LAMA3: variants seen among roughly 807,000 people sequenced by gnomAD.
The protein encoded by LAMA3 is laminin subunit alpha 3.
Under a neutral mutation model 402.0 loss-of-function variants are expected in LAMA3, and 281 were observed. The ratio of observed to expected loss-of-function variants is 0.70; its 90% CI spans 0.63 to 0.77. The LOEUF (loss-of-function observed/expected upper bound fraction) is 0.77, where lower values mean the gene tolerates loss of function less well. Ranked by LOEUF, LAMA3 falls within the 30% of genes least tolerant of loss-of-function variation. LAMA3 has a pLI of 0.00. For missense variants in LAMA3, 3,840 were observed against 4,215.5 expected, an observed-to-expected ratio of 0.91 and a Z score of 2.47; for synonymous variants, 1,431 against 1,558.4, an observed-to-expected ratio of 0.92 and a Z score of 1.93.
At chr18:23,952,166 T>C (rs2082939817) in intron 73 of LAMA3, among the ~76,000 whole-genome samples, 1 of 152,246 alleles carries the variant, frequency 6.6e-6, no homozygotes, top group Non-Finnish European at 1.5e-5. Flanking sequence ...AATTGTTCTT[T>C]ACCTTCGGTT....
Position 23,844,994 on chromosome 18 carries a change from G to C in LAMA3, c.3604-15G>C. 7.2e-7 allele frequency: 1 copy of C among 1,383,428 alleles called. No homozygotes were observed. The highest frequency in any genetic ancestry group is 1.0e-6 in the Non-Finnish European group (1 of 969,828). The allele number at this position is 1,383,428 out of a possible 1,614,324, so 85.7% of individuals were successfully genotyped here. Reference sequence around the variant, plus strand: ...TCATTGGAAATTCTAAGACATGCTGGTGGATTTCTTTCAGGTCCGTGTTCT... The same window carrying C: ...TCATTGGAAATTCTAAGACATGCTGCTGGATTTCTTTCAGGTCCGTGTTCT... On this transcript the variant is annotated splice_polypyrimidine_tract_variant and intron_variant, in intron 29 of 74. Transcript: ENST00000313654.
intron 2 of LAMA3, among the ~76,000 whole-genome samples, chr18:23,736,227 T>G (rs938001655): frequency 1.3e-4 from 19 of 151,178 alleles, no homozygotes; most frequent in African/African-American, 4.6e-4. Flanking sequence ...TCATAAAATA[T>G]GAAGTGCTTT....
intron 37 of LAMA3, 30 bp from the exon 38 acceptor site, chr18:23,871,401 A>G: frequency 6.3e-7 from 1 of 1,599,638 alleles, no homozygotes; most frequent in East Asian, 2.2e-5. Context: ...CTGCCTAAGG[A>G]AGACCCTGAC....
intron 37 of LAMA3, among the ~76,000 whole-genome samples, chr18:23,870,550 G>T (rs561954272): frequency 1.1e-4 from 16 of 152,116 alleles, no homozygotes; most frequent in Non-Finnish European, 1.9e-4. Flanking sequence ...GTTCATTGCA[G>T]CATTATTCAC....
chr18:23,731,225 T>G (rs1181240620), intron 2 of LAMA3, among the ~76,000 whole-genome samples: 4 of 152,204 alleles, frequency 2.6e-5, no homozygotes, highest in Non-Finnish European at 4.4e-5. Context: ...CTTAAATGTT[T>G]CCAGTGACAG....
chr18:23,809,305 G>A (rs1323075838), intron 12 of LAMA3, among the ~76,000 whole-genome samples: 3 of 152,204 alleles, frequency 2.0e-5, no homozygotes, highest in Non-Finnish European at 2.9e-5. Flanking sequence ...GGCACAGCTG[G>A]TACTGGAATC....
intron 12 of LAMA3, 43 bp from the exon 13 acceptor site, chr18:23,810,323 A>T: frequency 1.2e-6 from 2 of 1,613,088 alleles, no homozygotes; most frequent in Non-Finnish European, 1.7e-6. Context: ...CCCCTCCCAT[A>T]CCTGCAACCC....
chr18:23,706,271 T>C (rs1336749774), intron 1 of LAMA3, among the ~76,000 whole-genome samples: 1 of 152,204 alleles, frequency 6.6e-6, no homozygotes, highest in East Asian at 1.9e-4. Flanking sequence ...TTATGAACAG[T>C]GCTGCTGTGA....
At position 23,907,797 on chromosome 18, in the gene LAMA3, A is replaced by G; in HGVS notation, c.6877A>G (p.Arg2293Gly). 6.2e-7 allele frequency: 1 copy of G among 1,614,232 alleles called. No homozygotes were observed. The highest frequency in any genetic ancestry group is 1.1e-5 in the South Asian group (1 of 91,082). ...GATCAGTAGTGCAAAGAGCATGGTC[A>G]GAAAGGCCAACGACATCACAGATGA... ...AMISSAKSMV[R>G]KANDITDEVL... The change falls in exon 54 of 75, where the codon AGA (arginine) becomes GGA (glycine). Residue 2293 changes from arginine (R) to glycine (G), a missense_variant. Coordinates refer to ENST00000313654, the MANE Select transcript of LAMA3 (RefSeq NM_198129.4).
chr18:23,944,070 C>A, intron 69 of LAMA3, 99 bp downstream of exon 69: 1 of 1,205,882 alleles, frequency 8.3e-7, no homozygotes, highest in Non-Finnish European at 1.2e-6. Flanking sequence ...GACATGAGGG[C>A]GTGGAGTGGG....
chr18:23,939,250 C>T lies in LAMA3; in HGVS notation c.8890C>T (p.Pro2964Ser). ...QLLQDTPVAS[P>S]RSVKVWQDAC... is the part of the protein sequence containing the mutation. ...GTTGCAGGACACACCAGTGGCCTCC[C>T]CAAGGAGCGTGAAGGTGTGGCAAGA... Residue 2964 changes from proline to serine, a missense_variant, in exon 68 of 75, where the codon CCA (proline) becomes TCA (serine). Pro to Ser is a moderately conservative substitution (Grantham distance 74). This residue lies in a region of LAMA3 where 840 missense variants were observed against 981.9 expected (regional missense o/e 0.86). Coordinates refer to ENST00000313654, the MANE Select transcript of LAMA3 (RefSeq NM_198129.4). 1 of 1,614,166 alleles carries T rather than the reference C, an allele frequency of 6.2e-7. No individual in the cohort carries two copies. Among genetic ancestry groups the T allele is most frequent in the Non-Finnish European group, 8.5e-7 (1 of 1,180,022 alleles).
At chr18:23,876,574 A>G (rs1170232601) in intron 39 of LAMA3, among the ~76,000 whole-genome samples, 167 bp downstream of exon 39, 1 of 152,174 alleles carries the variant, frequency 6.6e-6, no homozygotes, top group African/African-American at 2.4e-5. Flanking sequence ...TTTACATTTC[A>G]TTTTCTCCTC....
chr18:23,743,574 C>G (rs1269952721), intron 2 of LAMA3, among the ~76,000 whole-genome samples: 2 of 152,194 alleles, frequency 1.3e-5, no homozygotes, highest in African/African-American at 4.8e-5. Flanking sequence ...GAGCATGCAG[C>G]ACTGGGGTGA....
chr18:23,733,966 T>C (rs1365414140), intron 2 of LAMA3, among the ~76,000 whole-genome samples: 2 of 152,238 alleles, frequency 1.3e-5, no homozygotes, highest in African/African-American at 4.8e-5. Flanking sequence ...TGCTTTCTGG[T>C]TGCTTCTAAT....
At chr18:23,870,812 A>T (rs1233341992) in intron 37 of LAMA3, among the ~76,000 whole-genome samples, 1 of 152,218 alleles carries the variant, frequency 6.6e-6, no homozygotes, top group Admixed American at 6.5e-5. Context: ...AAATTAGAAT[A>T]GTGGTGCCAG....
chr18:23,843,460 AG>A (rs113412601), intron 29 of LAMA3, among the ~76,000 whole-genome samples: 174 of 152,098 alleles, frequency 1.1e-3, no homozygotes, highest in African/African-American at 3.8e-3. Context: ...ACCACACCCC[AG>A]AGTCTTTCTC....
At position 23,876,342 on chromosome 18, in the gene LAMA3, C is replaced by T. The variant is rs200944147; in HGVS notation, c.5047C>T (p.Arg1683Trp). 90 of 1,613,936 alleles carry T rather than the reference C, an allele frequency of 5.6e-5. No individual in the cohort carries two copies. In the African/African-American group the frequency reaches 5.7e-4, roughly 10 times the overall value. The change falls in exon 39 of 75, where the codon CGG (arginine) becomes TGG (tryptophan). Residue 1683 changes from arginine (R) to tryptophan (W), a missense_variant. By Grantham distance (101) the Arg-to-Trp change is moderately radical. Transcript: ENST00000313654. ...YRDHKGLYTG[R>W]CVPCNCNGHS... ...GGATCATAAAGGCTTGTATACCGGACGGTGTGTTCCCTGCAATTGCAACGG... is the reference window on the plus strand; with the variant it reads ...GGATCATAAAGGCTTGTATACCGGATGGTGTGTTCCCTGCAATTGCAACGG...
intron 73 of LAMA3, among the ~76,000 whole-genome samples, 185 bp from the exon 74 acceptor site, chr18:23,952,805 T>C (rs2082962069): frequency 6.6e-6 from 1 of 152,228 alleles, no homozygotes; most frequent in Non-Finnish European, 1.5e-5. Context: ...TAAAATTCAT[T>C]CATGTACGTG....
chr18:23,779,792 G>A (rs2062399589), intron 11 of LAMA3, among the ~76,000 whole-genome samples: 1 of 151,628 alleles, frequency 6.6e-6, no homozygotes. Context: ...TGGGATTGCT[G>A]GGTGGCACCA....
Sources: allele counts gnomAD v4.1 joint callset (sites outside exome capture counted in the v4.1 genomes callset), GRCh38; gene constraint gnomAD v4.1.1; regional missense constraint gnomAD v4.1.1; transcripts MANE v1.5; gene names NCBI Gene and HGNC (gene_info 2026-07-23, HGNC 2026-07-21).